The following PIAS1 variants were observed in gnomAD, a reference collection of about 807,000 sequenced individuals.
PIAS1 encodes the protein E3 SUMO-protein ligase PIAS1.
Under a neutral mutation model 71.3 loss-of-function variants are expected in PIAS1, and 6 were observed. The observed-to-expected ratio is 0.08, with a 90% confidence interval of 0.05 to 0.17. The LOEUF (loss-of-function observed/expected upper bound fraction) is 0.17, where lower values mean the gene tolerates loss of function less well. PIAS1 is among the 10% of genes least tolerant of loss of function. PIAS1 has a pLI of 1.00. For missense variants in PIAS1, 555 were observed against 793.6 expected (o/e 0.70, Z 3.61); for synonymous variants, 303 against 292.9 (o/e 1.03, Z -0.35).
At chr15:68,057,995 T>C (rs2091914817) in intron 1 of PIAS1, among the ~76,000 whole-genome samples, 1 of 152,250 alleles carries the variant, frequency 6.6e-6, no homozygotes, top group Non-Finnish European at 1.5e-5. Context: ...CTGATTAACC[T>C]TGGGTGTCTC....
At chr15:68,169,451 A>T in intron 8 of PIAS1, among the ~76,000 whole-genome samples, 1 of 152,218 alleles carries the variant, frequency 6.6e-6, no homozygotes. Context: ...AGGTGTGCAG[A>T]TCACTTGATG....
intron 4 of PIAS1, 114 bp from the exon 5 acceptor site, chr15:68,145,702 T>C: frequency 3.1e-6 from 2 of 640,184 alleles, no homozygotes; most frequent in East Asian, 2.8e-5. Context: ...GTTTTTATAG[T>C]TTTCCCTTTT....
At chr15:68,139,084 C>G (rs192687255) in intron 2 of PIAS1, among the ~76,000 whole-genome samples, 1 of 152,240 alleles carries the variant, frequency 6.6e-6, no homozygotes, top group Admixed American at 6.5e-5. Context: ...CATTTACATT[C>G]TTCAAAATAA....
intron 4 of PIAS1, among the ~76,000 whole-genome samples, chr15:68,145,108 C>A (rs1173099581): frequency 6.6e-6 from 1 of 152,072 alleles, no homozygotes; most frequent in East Asian, 1.9e-4. Flanking sequence ...AGTGAATAGA[C>A]TGAGAATTTA....
chr15:68,117,407 T>C (rs1051255057), intron 2 of PIAS1, among the ~76,000 whole-genome samples: 1 of 152,170 alleles, frequency 6.6e-6, no homozygotes, highest in African/African-American at 2.4e-5. Context: ...TTTTGAAATA[T>C]GCAATACATT....
chr15:68,173,196 G>A lies in PIAS1; in HGVS notation c.1009-536G>A, dbSNP rs2093002249. Reference sequence around the variant, plus strand: ...TTTTTTGGATCAAGGACTGCTTTAAGAATTTGAGAAAAGCCGGGCACAGTG... The same window carrying A: ...TTTTTTGGATCAAGGACTGCTTTAAAAATTTGAGAAAAGCCGGGCACAGTG... On this transcript the variant is annotated intron_variant, in intron 8 of 13. Coordinates refer to ENST00000249636, the MANE Select transcript of PIAS1 (RefSeq NM_016166.3). This position sits in a 1 kb window ranked among gnomAD's most constrained non-coding sequence, Gnocchi z 4.3. Among the ~76,000 whole-genome samples the A allele has an allele frequency of 6.6e-6, 1 of 152,114 alleles. No individual in the cohort carries two copies. The highest frequency in any genetic ancestry group is 2.1e-4 in the South Asian group (1 of 4,826).
At chr15:68,076,263 C>G (rs955359077) in intron 1 of PIAS1, among the ~76,000 whole-genome samples, 1 of 152,116 alleles carries the variant, frequency 6.6e-6, no homozygotes, top group Non-Finnish European at 1.5e-5. Flanking sequence ...GTAATCCTAT[C>G]ACTTTGGGAG....
chr15:68,096,466 A>T (rs2092376633), intron 2 of PIAS1, among the ~76,000 whole-genome samples: 1 of 151,938 alleles, frequency 6.6e-6, no homozygotes, highest in African/African-American at 2.4e-5. Flanking sequence ...TTTTTGCAAA[A>T]GATACCATTG....
intron 1 of PIAS1, among the ~76,000 whole-genome samples, chr15:68,080,473 G>T (rs2092218869): frequency 6.6e-6 from 1 of 152,134 alleles, no homozygotes; most frequent in Admixed American, 6.5e-5. Context: ...GAAATTGGGT[G>T]AAACAAGATT....
At chr15:68,087,005 G>A (rs1349760328) in intron 2 of PIAS1, among the ~76,000 whole-genome samples, 1 of 152,170 alleles carries the variant, frequency 6.6e-6, no homozygotes, top group Non-Finnish European at 1.5e-5. Flanking sequence ...CCAAAGAGTA[G>A]TATTTTAGAA....
intron 2 of PIAS1, among the ~76,000 whole-genome samples, chr15:68,138,849 C>G (rs1305398617): frequency 6.6e-6 from 1 of 152,080 alleles, no homozygotes; most frequent in Non-Finnish European, 1.5e-5. Flanking sequence ...GTGAGTAATT[C>G]TGAAATCTTT....
rs867312790 is a variant in PIAS1, at chr15:68,135,197, C to T, written c.470-6749C>T. On this transcript the variant is annotated intron_variant, in intron 2 of 13. Transcript: ENST00000249636. ...GGTGGCTGGCCGGGCGGGGGGCTGA[C>T]CCCCCCACCTCCCTCCCGGAAGGGG... is the stretch of plus-strand genomic sequence containing the variant. Among the ~76,000 whole-genome samples, 3 of 41,994 alleles carry T rather than the reference C, an allele frequency of 7.1e-5. No homozygotes were observed. The South Asian group carries it at 1.5e-3, about 21-fold the overall frequency. 27.5% of individuals were successfully genotyped at this position (41,994 alleles called of 152,430 possible). A position where few individuals can be genotyped will look rare whatever the true frequency, so the allele number is the denominator to read the frequency against.
At chr15:68,058,823 A>G (rs2091924942) in intron 1 of PIAS1, among the ~76,000 whole-genome samples, 1 of 152,186 alleles carries the variant, frequency 6.6e-6, no homozygotes, top group African/African-American at 2.4e-5. Flanking sequence ...TTATCCACTT[A>G]AGACTTTCTC....
chr15:68,146,032 A>G, intron 5 of PIAS1, 126 bp downstream of exon 5: 1 of 637,564 alleles, frequency 1.6e-6, no homozygotes, highest in South Asian at 1.9e-5. Flanking sequence ...ATATTCATTG[A>G]CTGGGTGAAA....
intron 2 of PIAS1, among the ~76,000 whole-genome samples, chr15:68,138,837 C>T (rs188460900): frequency 2.6e-5 from 4 of 152,224 alleles, no homozygotes; most frequent in East Asian, 3.9e-4. Flanking sequence ...AAGATTTGGA[C>T]AGTGAGTAAT....
chr15:68,056,107 CAT>C (rs2091893185), intron 1 of PIAS1, among the ~76,000 whole-genome samples: 1 of 152,262 alleles, frequency 6.6e-6, no homozygotes, highest in Middle Eastern at 3.4e-3. Context: ...AACTTTAAGA[CAT>C]GTTTTCTATA....
At chr15:68,110,603 GAAA>G (rs202167069) in intron 2 of PIAS1, among the ~76,000 whole-genome samples, 1 of 150,628 alleles carries the variant, frequency 6.6e-6, no homozygotes, top group African/African-American at 2.4e-5. Flanking sequence ...TCTCCAAAAA[GAAA>G]AAAAAATTAG....
intron 4 of PIAS1, among the ~76,000 whole-genome samples, chr15:68,144,808 A>G (rs1264524071): frequency 2.0e-5 from 3 of 152,062 alleles, no homozygotes; most frequent in Non-Finnish European, 2.9e-5. Context: ...TCCCTATAAA[A>G]CTGAACATGT....
At chr15:68,107,586 T>G (rs756048304) in intron 2 of PIAS1, among the ~76,000 whole-genome samples, 31 of 152,314 alleles carry the variant, frequency 2.0e-4, no homozygotes, top group Middle Eastern at 3.4e-3. Flanking sequence ...AGGCTGCTAC[T>G]CAATTTTTAA....
Sources: gnomAD v4.1 joint callset for allele counts (sites outside exome capture counted in the v4.1 genomes callset) on GRCh38, gnomAD v4.1.1 for gene constraint, Gnocchi (gnomAD v3.1) non-coding constraint, MANE v1.5 for transcripts, NCBI Gene and HGNC (gene_info 2026-07-23, HGNC 2026-07-21) for gene names.